The following COL5A1 variants were observed in gnomAD, a reference collection of about 807,000 sequenced individuals.
The protein encoded by COL5A1 is collagen type V alpha 1 chain.
A neutral mutation model predicts 263.7 loss-of-function variants in COL5A1; 16 were observed. That is an observed-to-expected ratio of 0.06 (90% CI 0.04 to 0.09). The LOEUF is 0.09. Among genes scored for constraint, COL5A1 ranks in the 10% least tolerant of loss-of-function variants. The probability of loss-of-function intolerance (pLI) is 1.00; values close to 1 mark genes in which losing one functional copy is unlikely to be tolerated. For synonymous variants in COL5A1, 1,012 were observed against 1,004.5 expected (o/e 1.01, Z -0.14); for missense variants, 2,036 against 2,540.5 (o/e 0.80, Z 4.27).
Position 134,750,819 on chromosome 9 carries a change from C to T in COL5A1, c.1599C>T (p.Gly533=), listed in dbSNP as rs1835751153. The part of the protein sequence containing the change: ...PFRFGGGGDA[G]SKGPMVSAQE... ...GGTTTGGAGGTGGCGGCGATGCGGG[C>T]TCCAAAGGCCCCATGGTCTCAGCCC... Residue 533 remains glycine (G), a synonymous_variant, in exon 13 of 66, where the codon GGC becomes GGT. Transcript: ENST00000371817. 6.2e-7 allele frequency: 1 copy of T among 1,613,130 alleles called. No homozygotes were observed.
chr9:134,827,672 C>T (rs942048888), intron 63 of COL5A1, among the ~76,000 whole-genome samples: 1 of 152,204 alleles, frequency 6.6e-6, no homozygotes, highest in East Asian at 1.9e-4. Context: ...CCAGGCTCCC[C>T]CAGTGTTGAC....
At chr9:134,730,591 G>A (rs904775889) in intron 7 of COL5A1, 116 bp downstream of exon 7, 4 of 1,463,822 alleles carry the variant, frequency 2.7e-6, no homozygotes, top group Non-Finnish European at 3.8e-6. Flanking sequence ...TCCTCGGGTG[G>A]CCCCTGTGTT....
At chr9:134,702,205 C>A (rs765224112) in intron 4 of COL5A1, among the ~76,000 whole-genome samples, 1 of 152,134 alleles carries the variant, frequency 6.6e-6, no homozygotes, top group Admixed American at 6.5e-5. Flanking sequence ...GCTTCCTTGT[C>A]GTTTATGTAA....
intron 36 of COL5A1, among the ~76,000 whole-genome samples, chr9:134,797,906 G>A (rs1837970918): frequency 6.6e-6 from 1 of 152,226 alleles, no homozygotes. Flanking sequence ...GAGGTCACAG[G>A]CACAGGTTCT....
chr9:134,710,763 T>G (rs867590181), intron 4 of COL5A1, among the ~76,000 whole-genome samples: 1 of 99,882 alleles, frequency 1.0e-5, no homozygotes, highest in African/African-American at 4.2e-5. Flanking sequence ...GGGCCCCATC[T>G]GTGGGGTGCA....
chr9:134,674,199 A>G (rs1832624501), intron 1 of COL5A1, among the ~76,000 whole-genome samples: 1 of 152,186 alleles, frequency 6.6e-6, no homozygotes, highest in Admixed American at 6.5e-5. Context: ...ATGCGTCCAT[A>G]CAGAGACATG....
At chr9:134,739,590 G>A (rs10115005) in intron 11 of COL5A1, among the ~76,000 whole-genome samples, 41,320 of 152,088 alleles carry the variant, frequency 0.27, 5,799 homozygotes, top group East Asian at 0.35. Flanking sequence ...GGTGGTTCGT[G>A]ATGTCAGAGC....
Position 134,700,218 on chromosome 9 carries a change from C to A in COL5A1, c.491+96C>A, listed in dbSNP as rs1833620890. 15 of 1,201,074 alleles carry A rather than the reference C, an allele frequency of 1.2e-5. No homozygotes were observed. The highest frequency in any genetic ancestry group is 1.8e-5 in the Non-Finnish European group (15 of 844,416). The allele number at this position is 1,201,074 out of a possible 1,614,324, so 74.4% of individuals were successfully genotyped here. A position where few individuals can be genotyped will look rare whatever the true frequency, so the allele number is the denominator to read the frequency against. On this transcript the variant is annotated intron_variant, in intron 3 of 65. Transcript: ENST00000371817. The surrounding 1 kb of genome is among the most constrained non-coding windows in gnomAD (Gnocchi z 4.0). ...GATGTGGGGCACAGTAGAGGACGTGCAGCAGCCGGTACTGAGACTCCCACA... is the reference window on the plus strand; with the variant it reads ...GATGTGGGGCACAGTAGAGGACGTGAAGCAGCCGGTACTGAGACTCCCACA...
intron 37 of COL5A1, 140 bp from the exon 38 acceptor site, chr9:134,801,814 C>A: frequency 1.3e-6 from 1 of 775,918 alleles, no homozygotes; most frequent in Non-Finnish European, 2.3e-6. Context: ...AAACAAGAGA[C>A]ATGGGCCTCT....
At position 134,765,181 on chromosome 9, in the gene COL5A1, G is replaced by A. The variant is rs1341466502; in HGVS notation, c.2035-500G>A. ...CTCCTTCTGCACATTCAGTCTTGGG[G>A]TTCCCACCAGGGACTAGTTTCACCT... On this transcript the variant is annotated intron_variant, in intron 20 of 65. Coordinates refer to ENST00000371817, the MANE Select transcript of COL5A1 (RefSeq NM_000093.5). The surrounding 1 kb of genome is among the most constrained non-coding windows in gnomAD (Gnocchi z 5.1). Among the ~76,000 whole-genome samples the A allele has an allele frequency of 6.6e-6, 1 of 152,170 alleles. No homozygotes were observed. Among genetic ancestry groups the A allele is most frequent in the Non-Finnish European group, 1.5e-5 (1 of 68,018 alleles).
chr9:134,756,226 C>T (rs781200749), intron 16 of COL5A1, among the ~76,000 whole-genome samples: 1 of 152,220 alleles, frequency 6.6e-6, no homozygotes, highest in African/African-American at 2.4e-5. Context: ...CATCTGCTCA[C>T]CGTGCAGATG....
At chr9:134,705,684 G>T (rs1302248103) in intron 4 of COL5A1, among the ~76,000 whole-genome samples, 1 of 152,202 alleles carries the variant, frequency 6.6e-6, no homozygotes, top group Non-Finnish European at 1.5e-5. Flanking sequence ...CCTTGTCCTG[G>T]GTCTTTGGCG....
Position 134,831,599 on chromosome 9 carries a change from G to A in COL5A1, c.5136+1555G>A, listed in dbSNP as rs1188313168. On this transcript the variant is annotated intron_variant, in intron 64 of 65. Coordinates refer to ENST00000371817, the MANE Select transcript of COL5A1 (RefSeq NM_000093.5). ...AGGGGCCCTGGGGGTGAAGCTGCTG[G>A]GGGCCGAGGTGGCAGGGTCCATTCT... 9.2e-5 allele frequency among the ~76,000 whole-genome samples: 14 copies of A among 152,166 alleles called. 1 individual carries two copies. In the East Asian group the frequency reaches 2.5e-3, roughly 27 times the overall value.
chr9:134,731,420 C>T, intron 7 of COL5A1, 76 bp from the exon 8 acceptor site: 1 of 1,485,698 alleles, frequency 6.7e-7, no homozygotes, highest in Non-Finnish European at 9.3e-7. Context: ...AGCCACAGTG[C>T]CCGCCCAGGG....
chr9:134,661,408 A>G (rs1185571486), intron 1 of COL5A1, among the ~76,000 whole-genome samples: 1 of 151,732 alleles, frequency 6.6e-6, no homozygotes, highest in Non-Finnish European at 1.5e-5. Flanking sequence ...TGTGAGGTAC[A>G]GGAGCCTCCA....
intron 27 of COL5A1, among the ~76,000 whole-genome samples, chr9:134,775,366 G>T (rs1837015120): frequency 6.6e-6 from 1 of 152,256 alleles, no homozygotes; most frequent in Admixed American, 6.5e-5. Context: ...GTGAGAAACA[G>T]AGTCTGTCTC....
chr9:134,764,642 C>G (rs3128618), intron 20 of COL5A1, among the ~76,000 whole-genome samples: 20,342 of 152,128 alleles, frequency 0.13, 1,654 homozygotes, highest in East Asian at 0.35. Flanking sequence ...GCCAAGTCAG[C>G]CCGGCTGCGT....
intron 19 of COL5A1, among the ~76,000 whole-genome samples, chr9:134,763,017 T>C (rs1047466682): frequency 6.6e-6 from 1 of 152,060 alleles, no homozygotes; most frequent in African/African-American, 2.4e-5. Flanking sequence ...TGTATGCATG[T>C]GCATGCACAG....
intron 5 of COL5A1, 44 bp downstream of exon 5, chr9:134,727,441 A>C: frequency 6.2e-7 from 1 of 1,610,782 alleles, no homozygotes. Flanking sequence ...TGAGCAGACT[A>C]CTTGGGATGG....
Sources: gnomAD v4.1 joint callset for allele counts (sites outside exome capture counted in the v4.1 genomes callset) on GRCh38, gnomAD v4.1.1 for gene constraint, Gnocchi (gnomAD v3.1) non-coding constraint, MANE v1.5 for transcripts, NCBI Gene and HGNC (gene_info 2026-07-23, HGNC 2026-07-21) for gene names.